Variants in GNAL observed in about 807,000 individuals in gnomAD.
GNAL encodes the protein guanine nucleotide-binding protein G(olf) subunit alpha.
GNAL carries 18 observed loss-of-function variants against 55.1 expected under a neutral mutation model. The ratio of observed to expected loss-of-function variants is 0.33; its 90% CI spans 0.23 to 0.48. The LOEUF (loss-of-function observed/expected upper bound fraction) is 0.48, where lower values mean the gene tolerates loss of function less well. Among genes scored for constraint, GNAL ranks in the 20% least tolerant of loss-of-function variants. GNAL has a pLI of 0.99. For missense variants in GNAL, 412 were observed against 614.1 expected (o/e 0.67, Z 3.48); for synonymous variants, 253 against 237.0 (o/e 1.07, Z -0.62).
intron 1 of GNAL, among the ~76,000 whole-genome samples, chr18:11,731,731 C>T (rs772357344): frequency 3.9e-5 from 6 of 152,072 alleles, no homozygotes; most frequent in Non-Finnish European, 5.9e-5. Flanking sequence ...TTCACAAGGC[C>T]GTGGAACCAT....
At chr18:11,755,014 GTGTGTGTGTGTGTGTA>G (rs1441831003) in intron 4 of GNAL, among the ~76,000 whole-genome samples, 1 of 152,040 alleles carries the variant, frequency 6.6e-6, no homozygotes, top group Non-Finnish European at 1.5e-5. Context: ...GTGTGTGTGT[GTGTGTGTGTGTGTGTA>G]TGTGTATTCA....
At chr18:11,757,950 G>A (rs781183438) in intron 4 of GNAL, among the ~76,000 whole-genome samples, 1 of 152,100 alleles carries the variant, frequency 6.6e-6, no homozygotes, top group Non-Finnish European at 1.5e-5. Context: ...TGCAGGTGGC[G>A]GCGGCAGATT....
At chr18:11,721,724 CTAGT>C (rs1163972876) in intron 1 of GNAL, among the ~76,000 whole-genome samples, 3 of 151,882 alleles carry the variant, frequency 2.0e-5, no homozygotes, top group Non-Finnish European at 4.4e-5. Flanking sequence ...ACATGCCTGG[CTAGT>C]TAGAGTCAGG....
intron 1 of GNAL, among the ~76,000 whole-genome samples, chr18:11,710,325 G>GTAA (rs1010562095): frequency 2.0e-5 from 3 of 152,114 alleles, no homozygotes; most frequent in African/African-American, 7.2e-5. Context: ...TTCCCTTTAT[G>GTAA]TTATTGATGA....
chr18:11,794,944 G>A (rs2034339354), intron 4 of GNAL, among the ~76,000 whole-genome samples: 1 of 152,094 alleles, frequency 6.6e-6, no homozygotes, highest in African/African-American at 2.4e-5. Context: ...CGAGGTTCAA[G>A]CGATTCTCCT....
chr18:11,829,208 A>G (rs550133776), intron 5 of GNAL, among the ~76,000 whole-genome samples: 2 of 152,342 alleles, frequency 1.3e-5, no homozygotes, highest in South Asian at 2.1e-4. Flanking sequence ...AGCTTTCTGA[A>G]CCCTGGGCCT....
At chr18:11,800,887 G>C (rs955193251) in intron 4 of GNAL, among the ~76,000 whole-genome samples, 14 of 152,296 alleles carry the variant, frequency 9.2e-5, no homozygotes, top group African/African-American at 3.4e-4. Flanking sequence ...TTATGAAGTA[G>C]AACCAGGACA....
At chr18:11,814,260 C>T (rs1333968631) in intron 4 of GNAL, among the ~76,000 whole-genome samples, 1 of 152,202 alleles carries the variant, frequency 6.6e-6, no homozygotes, top group East Asian at 1.9e-4. Context: ...CACGGTGGCT[C>T]ATGCCTGGAA....
chr18:11,759,863 A>G (rs1435670294), intron 4 of GNAL, among the ~76,000 whole-genome samples: 1 of 152,136 alleles, frequency 6.6e-6, no homozygotes, highest in African/African-American at 2.4e-5. Flanking sequence ...ATCTCCTGCT[A>G]GAAGGCTTTG....
rs1360079743 is a variant in GNAL at position 11,689,398 on chromosome 18, AC to A, written c.-161del. On this transcript the variant is annotated 5_prime_UTR_variant, in exon 1 of 12. It removes the in-frame stop codon of an upstream open reading frame in the 5' UTR. Transcript: ENST00000334049. ...GTGGCCCTCGGCCCCGGCCTGCCGC[AC>A]CCCCTTCCCGCAGCTGGCGGCCGGC... 6 of 357,088 alleles carry A rather than the reference AC, an allele frequency of 1.7e-5. No homozygotes were observed. The highest frequency in any genetic ancestry group is 1.5e-4 in the South Asian group (1 of 6,818). The allele number at this position is 357,088 out of a possible 1,614,324, so 22.1% of individuals were successfully genotyped here.
Position 11,769,002 on chromosome 18 carries a change from G to T in GNAL, c.624+15057G>T, listed in dbSNP as rs1472252230. On this transcript the variant is annotated intron_variant, in intron 4 of 11. Coordinates refer to ENST00000334049, the MANE Select transcript of GNAL (RefSeq NM_182978.4). ...ATTATATATTCTATATTATAATATA[G>T]AATATATATATTCTATATTATAATA... Among the ~76,000 whole-genome samples the T allele has an allele frequency of 9.0e-4, 81 of 89,986 alleles. 2 individuals are homozygous for T. Among genetic ancestry groups the T allele is most frequent in the Non-Finnish European group, 1.3e-3 (69 of 53,212 alleles). The allele number at this position is 89,986 out of a possible 152,430, so 59.0% of individuals were successfully genotyped here.
At chr18:11,764,650 A>G (rs1479156356) in intron 4 of GNAL, among the ~76,000 whole-genome samples, 1 of 152,162 alleles carries the variant, frequency 6.6e-6, no homozygotes, top group Non-Finnish European at 1.5e-5. Context: ...CTCTACAAAA[A>G]ATACACTGGG....
chr18:11,869,378 C>T (rs1451116367), intron 9 of GNAL, among the ~76,000 whole-genome samples: 7 of 152,164 alleles, frequency 4.6e-5, no homozygotes, highest in African/African-American at 1.4e-4. Context: ...CTCCTGACCT[C>T]GTGATCCACC....
Position 11,689,530 on chromosome 18 carries a change from G to T in GNAL, c.-34G>T. On this transcript the variant is annotated 5_prime_UTR_variant, in exon 1 of 12. Coordinates refer to ENST00000334049, the MANE Select transcript of GNAL (RefSeq NM_182978.4). Reference sequence around the variant, plus strand: ...CGCCCTCGGCGCCCAGCCTGCCCTAGTCCCGCGCGCCGCCCCCGCTGTGCC... The same window carrying T: ...CGCCCTCGGCGCCCAGCCTGCCCTATTCCCGCGCGCCGCCCCCGCTGTGCC... 1 of 1,108,370 alleles carries T rather than the reference G, an allele frequency of 9.0e-7. No homozygotes were observed. Among genetic ancestry groups the T allele is most frequent in the Non-Finnish European group, 1.1e-6 (1 of 872,274 alleles). 68.7% of individuals were successfully genotyped at this position (1,108,370 alleles called of 1,614,324 possible).
intron 4 of GNAL, among the ~76,000 whole-genome samples, chr18:11,804,123 G>C (rs536998229): frequency 2.0e-5 from 3 of 150,788 alleles, no homozygotes; most frequent in Admixed American, 2.0e-4. Flanking sequence ...CGGAGATACT[G>C]TGTAGTGGTG....
chr18:11,801,809 C>A (rs1345440718), intron 4 of GNAL, among the ~76,000 whole-genome samples: 3 of 152,192 alleles, frequency 2.0e-5, no homozygotes, highest in Admixed American at 2.0e-4. Context: ...GGAAGACAAA[C>A]CTGCCTTCCC....
chr18:11,779,558 T>C (rs1466204777), intron 4 of GNAL, among the ~76,000 whole-genome samples: 2 of 152,184 alleles, frequency 1.3e-5, no homozygotes, highest in Non-Finnish European at 2.9e-5. Context: ...CACTCTGACC[T>C]AGCTCCAAGA....
chr18:11,876,478 CAT>C (rs1598449221), intron 10 of GNAL, 141 bp from the exon 11 acceptor site: 2 of 634,846 alleles, frequency 3.2e-6, no homozygotes, highest in South Asian at 3.8e-5. Flanking sequence ...AAAAAAAGTA[CAT>C]GTTTGTTTTT....
intron 4 of GNAL, among the ~76,000 whole-genome samples, chr18:11,786,322 A>T (rs2034054240): frequency 6.6e-6 from 1 of 151,870 alleles, no homozygotes; most frequent in African/African-American, 2.4e-5. Context: ...GAGCACTACA[A>T]CTTCCACTGA....
Sources: gnomAD v4.1 joint callset for allele counts (sites outside exome capture counted in the v4.1 genomes callset) on GRCh38, gnomAD v4.1.1 for gene constraint, MANE v1.5 for transcripts, NCBI Gene and HGNC (gene_info 2026-07-23, HGNC 2026-07-21) for gene names.